Variants in CNBD1 observed in about 807,000 individuals in gnomAD.
The protein encoded by CNBD1 is cyclic nucleotide binding domain containing 1.
Under a neutral mutation model 54.4 loss-of-function variants are expected in CNBD1, and 71 were observed. That is an observed-to-expected ratio of 1.30 (90% CI 1.08 to 1.59). The LOEUF (loss-of-function observed/expected upper bound fraction) is 1.59. Among genes scored for constraint, CNBD1 ranks in the 40% most tolerant of loss-of-function variants. The pLI is 0.00. For synonymous variants in CNBD1, 182 were observed against 170.7 expected (o/e 1.07, Z -0.51); for missense variants, 659 against 518.0 (o/e 1.27, Z -2.64).
At chr8:87,004,846 C>T (rs1809063847) in intron 4 of CNBD1, among the ~76,000 whole-genome samples, 1 of 152,064 alleles carries the variant, frequency 6.6e-6, no homozygotes, top group Non-Finnish European at 1.5e-5. Context: ...CAAGACTGAG[C>T]CTTTTGAAAT....
At chr8:87,326,664 T>A (rs1318012292) in intron 8 of CNBD1, among the ~76,000 whole-genome samples, 1 of 107,246 alleles carries the variant, frequency 9.3e-6, no homozygotes, top group Admixed American at 9.4e-5. Flanking sequence ...TCAGCTCCTT[T>A]AAGCACTTCT....
chr8:87,291,529 G>A (rs1352933296), intron 8 of CNBD1, among the ~76,000 whole-genome samples: 2 of 152,018 alleles, frequency 1.3e-5, no homozygotes, highest in African/African-American at 4.8e-5. Context: ...GCCTTTAACA[G>A]TGTAAGAATC....
intron 4 of CNBD1, among the ~76,000 whole-genome samples, chr8:87,034,415 C>A (rs1055061942): frequency 6.6e-6 from 1 of 152,182 alleles, no homozygotes; most frequent in East Asian, 1.9e-4. Context: ...CTAATACTGG[C>A]AACTCTTGAG....
chr8:87,268,465 C>A (rs111789384), intron 6 of CNBD1, among the ~76,000 whole-genome samples: 1 of 151,930 alleles, frequency 6.6e-6, no homozygotes, highest in Non-Finnish European at 1.5e-5. Context: ...TGGGTATATA[C>A]CCAGTAGTGG....
intron 4 of CNBD1, among the ~76,000 whole-genome samples, chr8:87,113,919 A>G (rs1811717816): frequency 6.6e-6 from 1 of 151,946 alleles, no homozygotes; most frequent in Non-Finnish European, 1.5e-5. Flanking sequence ...TCTGTCTCAA[A>G]AAAAAAAAGA....
chr8:86,913,538 TGTC>T (rs1405887737), intron 3 of CNBD1, among the ~76,000 whole-genome samples: 2 of 152,098 alleles, frequency 1.3e-5, no homozygotes, highest in African/African-American at 4.8e-5. Context: ...AGACATCACA[TGTC>T]GGCGGGTTCT....
At chr8:87,255,563 T>A (rs188578249) in intron 6 of CNBD1, among the ~76,000 whole-genome samples, 16 of 152,108 alleles carry the variant, frequency 1.1e-4, no homozygotes, top group South Asian at 2.1e-4. Context: ...ATCAGGTTTT[T>A]AAAAAAATAC....
At chr8:87,229,671 A>G (rs1038796012) in intron 5 of CNBD1, among the ~76,000 whole-genome samples, 6 of 152,142 alleles carry the variant, frequency 3.9e-5, no homozygotes, top group South Asian at 2.1e-4. Context: ...AACTCCATTT[A>G]CAATGTTAAA....
intron 2 of CNBD1, among the ~76,000 whole-genome samples, chr8:87,391,095 G>T (rs1346402631): frequency 6.6e-6 from 1 of 151,634 alleles, no homozygotes; most frequent in Non-Finnish European, 1.5e-5. Context: ...CTGTTGTGGG[G>T]TGGGGGAAGG....
intron 4 of CNBD1, among the ~76,000 whole-genome samples, chr8:87,102,677 G>A (rs970530975): frequency 6.6e-6 from 1 of 152,030 alleles, no homozygotes; most frequent in South Asian, 2.1e-4. Context: ...GCAGTGGCGC[G>A]ATTTCGGCTC....
At chr8:87,270,442 T>C (rs1307508060) in intron 6 of CNBD1, among the ~76,000 whole-genome samples, 1 of 151,938 alleles carries the variant, frequency 6.6e-6, no homozygotes, top group Non-Finnish European at 1.5e-5. Context: ...AGAATAGCTA[T>C]TATTAAAAGT....
At chr8:86,970,036 T>A (rs1808185433) in intron 4 of CNBD1, among the ~76,000 whole-genome samples, 1 of 152,086 alleles carries the variant, frequency 6.6e-6, no homozygotes, top group Non-Finnish European at 1.5e-5. Context: ...GCCTTTATTT[T>A]CTTTTCATTC....
At chr8:87,188,627 G>A (rs189621913) in intron 4 of CNBD1, among the ~76,000 whole-genome samples, 16 of 151,954 alleles carry the variant, frequency 1.1e-4, no homozygotes, top group Admixed American at 6.6e-4. Flanking sequence ...TTGGGAGACC[G>A]AGGTAAGAGA....
At chr8:87,310,570 C>T (rs1563547137) in intron 8 of CNBD1, among the ~76,000 whole-genome samples, 2 of 152,076 alleles carry the variant, frequency 1.3e-5, no homozygotes, top group Non-Finnish European at 2.9e-5. Flanking sequence ...AAACAATCTA[C>T]AGTTTTAACA....
chr8:87,324,628 T>C (rs1809628231), intron 8 of CNBD1, among the ~76,000 whole-genome samples: 1 of 151,268 alleles, frequency 6.6e-6, no homozygotes, highest in Non-Finnish European at 1.5e-5. Flanking sequence ...TAGTTTGTAT[T>C]TCTGTGGGAT....
intron 10 of CNBD1, among the ~76,000 whole-genome samples, chr8:87,378,776 C>T (rs1323432919): frequency 2.0e-5 from 3 of 151,084 alleles, no homozygotes; most frequent in South Asian, 2.1e-4. Flanking sequence ...TTGATTCTTC[C>T]TACCCATGAG....
intron 6 of CNBD1, among the ~76,000 whole-genome samples, chr8:87,253,819 C>T (rs1195125332): frequency 6.6e-6 from 1 of 151,910 alleles, no homozygotes; most frequent in African/African-American, 2.4e-5. Flanking sequence ...AAAACAACAA[C>T]AAAACATTAA....
At chr8:87,329,981 A>G (rs1809786045) in intron 8 of CNBD1, among the ~76,000 whole-genome samples, 2 of 151,974 alleles carry the variant, frequency 1.3e-5, no homozygotes, top group South Asian at 4.1e-4. Flanking sequence ...ATCTTAGTAG[A>G]AATACTCCTA....
chr8:87,363,314 G>T (rs1407710238), intron 10 of CNBD1, among the ~76,000 whole-genome samples: 1 of 152,040 alleles, frequency 6.6e-6, no homozygotes, highest in Non-Finnish European at 1.5e-5. Flanking sequence ...TACTACATGT[G>T]CATGTGCCTT....
Sources: gnomAD v4.1 joint callset for allele counts (sites outside exome capture counted in the v4.1 genomes callset) on GRCh38, gnomAD v4.1.1 for gene constraint, MANE v1.5 for transcripts, NCBI Gene and HGNC (gene_info 2026-07-23, HGNC 2026-07-21) for gene names.